Variants in CD93 observed in about 807,000 individuals in gnomAD.
CD93 encodes the protein CD93 molecule.
In CD93, 44 loss-of-function variants were observed where a neutral mutation model predicts 45.5. The ratio of observed to expected loss-of-function variants is 0.97; its 90% confidence interval spans 0.76 to 1.24. CD93 has a LOEUF of 1.24. Ranked by LOEUF, CD93 falls within the 50% of genes most tolerant of loss-of-function variation. The pLI, the probability that CD93 is intolerant of heterozygous loss-of-function variation, is 0.00. For missense variants in CD93, 918 were observed against 844.5 expected (o/e 1.09, Z -1.08); for synonymous variants, 431 against 370.8 (o/e 1.16, Z -1.87).
rs1338835547 is a variant in CD93, at chr20:23,080,417, C to T, written c.*3533G>A. On this transcript the variant is annotated 3_prime_UTR_variant, in exon 2 of 2. Coordinates refer to ENST00000246006, the MANE Select transcript of CD93 (RefSeq NM_012072.4). ...GATGAGGATGGAAAAGACAAAGCAA[C>T]TTGAAGAGAAAAAAAAATTCTTTTA... 1 of 152,376 alleles carries T rather than the reference C, an allele frequency of 6.6e-6. No homozygotes were observed. The highest frequency in any genetic ancestry group is 1.5e-5 in the Non-Finnish European group (1 of 68,016). The allele number at this position is 152,376 out of a possible 1,614,324, so 9.4% of individuals were successfully genotyped here.
rs140752547 is a variant in CD93 at position 23,082,820 on chromosome 20, G to C, written c.*1130C>G. ...GACTAGCTCCCTACTTGGTGTGTGC[G>C]CCACCCACACTTCAGGATTTAAAAT... is the stretch of plus-strand genomic sequence containing the variant. On this transcript the variant is annotated 3_prime_UTR_variant, in exon 2 of 2. Transcript: ENST00000246006. 2.6e-5 allele frequency: 4 copies of C among 152,506 alleles called. No individual in the cohort carries two copies. Among genetic ancestry groups the C allele is most frequent in the African/African-American group, 9.7e-5 (4 of 41,392 alleles). 9.4% of individuals were successfully genotyped at this position (152,506 alleles called of 1,614,324 possible).
At position 23,085,958 on chromosome 20, in the gene CD93, G is replaced by T; in HGVS notation, c.235C>A (p.Leu79Ile). Residue 79 changes from leucine (L) to isoleucine (I), a missense_variant, in exon 1 of 2, where the codon CTC (leucine) becomes ATC (isoleucine). Leu to Ile is a conservative substitution (Grantham distance 5). Coordinates refer to ENST00000246006, the MANE Select transcript of CD93 (RefSeq NM_012072.4). ...GTCAGGGCTGCCTCCCGCCTCAGGAGCTGGGCCAGTACTCGCTGGACGTGC... is the reference window on the plus strand; with the variant it reads ...GTCAGGGCTGCCTCCCGCCTCAGGATCTGGGCCAGTACTCGCTGGACGTGC... ...AQHVQRVLAQ[L>I]LRREAALTAR... The T allele has an allele frequency of 1.2e-6, 2 of 1,610,536 alleles. No individual in the cohort carries two copies. Among genetic ancestry groups the T allele is most frequent in the Non-Finnish European group, 1.7e-6 (2 of 1,179,178 alleles).
In CD93 at chr20:23,083,511, T is replaced by G. The variant is rs1239692264; in HGVS notation, c.*439A>C. On this transcript the variant is annotated 3_prime_UTR_variant, in exon 2 of 2. Transcript: ENST00000246006. ...CAGATCTTCTTACCTAATTGAATAA[T>G]TAATTGATTTAGTTTTCATCCTAGG... 1.2e-5 allele frequency: 2 copies of G among 168,210 alleles called. No homozygotes were observed. The highest frequency in any genetic ancestry group is 3.3e-4 in the East Asian group (2 of 6,014). 10.4% of individuals were successfully genotyped at this position (168,210 alleles called of 1,614,324 possible). A position where few individuals can be genotyped will look rare whatever the true frequency, so the allele number is the denominator to read the frequency against.
rs1985334510 is a variant in CD93, at chr20:23,081,987, T to C, written c.*1963A>G. 6.6e-6 allele frequency: 1 copy of C among 152,172 alleles called. No individual in the cohort carries two copies. The highest frequency in any genetic ancestry group is 2.1e-4 in the South Asian group (1 of 4,832). The allele number at this position is 152,172 out of a possible 1,614,324, so 9.4% of individuals were successfully genotyped here. On this transcript the variant is annotated 3_prime_UTR_variant, in exon 2 of 2. Coordinates refer to ENST00000246006, the MANE Select transcript of CD93 (RefSeq NM_012072.4). Reference sequence around the variant, plus strand: ...TGAATGGCCAGACAGATGGCTGCTCTCCACACCACAGACTGCCCAGCTTCA... The same window carrying C: ...TGAATGGCCAGACAGATGGCTGCTCCCCACACCACAGACTGCCCAGCTTCA...
Position 23,085,058 on chromosome 20 carries a change from C to T in CD93, c.1135G>A (p.Gly379Arg). ...CWVGYEPGGP[G>R]EGACQDVDEC... ...TCCACATCCTGACAGGCCCCCTCTCCAGGACCGCCCGGCTCATAGCCAACC... is the reference window on the plus strand; with the variant it reads ...TCCACATCCTGACAGGCCCCCTCTCTAGGACCGCCCGGCTCATAGCCAACC... Residue 379 changes from glycine to arginine, a missense_variant, in exon 1 of 2, where the codon GGA becomes AGA. Gly to Arg is a moderately radical substitution (Grantham distance 125, BLOSUM62 -2). Transcript: ENST00000246006. 2.5e-6 allele frequency: 4 copies of T among 1,613,492 alleles called. No individual in the cohort carries two copies. Among genetic ancestry groups the T allele is most frequent in the Non-Finnish European group, 3.4e-6 (4 of 1,179,728 alleles).
chr20:23,085,802 C>A lies in CD93; in HGVS notation c.391G>T (p.Glu131Ter), dbSNP rs1985480290. 1.2e-6 allele frequency: 2 copies of A among 1,611,648 alleles called. No individual in the cohort carries two copies. The highest frequency in any genetic ancestry group is 8.5e-7 in the Non-Finnish European group (1 of 1,179,568). Residue 131 changes from glutamate to a stop codon, truncating the protein, a stop_gained, in exon 1 of 2, where the codon GAG becomes TAG. Coordinates refer to ENST00000246006, the MANE Select transcript of CD93 (RefSeq NM_012072.4). LOFTEE classifies it high-confidence loss of function. ...EDTPYSNWHK[E>*]LRNSCISKRC... is the part of the protein sequence containing the mutation. ...TTGGAGATGCACGAGTTCCGGAGCT[C>A]CTTGTGCCAGTTAGAGTAAGGCGTG...
In CD93 at chr20:23,085,530, G is replaced by T; in HGVS notation, c.663C>A (p.Ala221=). The T allele has an allele frequency of 6.2e-7, 1 of 1,613,910 alleles. No individual in the cohort carries two copies. Among genetic ancestry groups the T allele is most frequent in the Non-Finnish European group, 8.5e-7 (1 of 1,180,036 alleles). The change falls in exon 1 of 2, where the codon GCC becomes GCA. Residue 221 remains alanine, a synonymous_variant. Transcript: ENST00000246006. ...SLEAVPFASA[A]NVACGEGDKD... Reference sequence around the variant, plus strand: ...TGTCACCTTCCCCACAGGCTACATTGGCCGCAGAGGCAAAGGGCACAGCCT... The same window carrying T: ...TGTCACCTTCCCCACAGGCTACATTTGCCGCAGAGGCAAAGGGCACAGCCT...
In CD93 at chr20:23,083,805, G is replaced by A. The variant is rs867819617; in HGVS notation, c.*145C>T. Reference sequence around the variant, plus strand: ...GTAGAAAATACCTGCATGTTCCAAGGGGCCTTTAAGGAGGAGACTTACAAT... The same window carrying A: ...GTAGAAAATACCTGCATGTTCCAAGAGGCCTTTAAGGAGGAGACTTACAAT... On this transcript the variant is annotated 3_prime_UTR_variant, in exon 2 of 2. Transcript: ENST00000246006. 5.2e-6 allele frequency: 4 copies of A among 762,612 alleles called. No homozygotes were observed. Among genetic ancestry groups the A allele is most frequent in the African/African-American group, 3.4e-5 (2 of 58,158 alleles). The allele number at this position is 762,612 out of a possible 1,614,324, so 47.2% of individuals were successfully genotyped here.
chr20:23,086,164 A>T lies in CD93; in HGVS notation c.29T>A (p.Leu10Gln). 6.4e-7 allele frequency: 1 copy of T among 1,555,974 alleles called. No individual in the cohort carries two copies. The highest frequency in any genetic ancestry group is 8.6e-7 in the Non-Finnish European group (1 of 1,157,624). ...GGGCTGGGTCAGGAGCAGCAGCAGC[A>T]GCAGCAGCAGGCCCATGGAGGTGGC... is the stretch of plus-strand genomic sequence containing the variant. MATSMGLLL[L>Q]LLLLLTQPGA... is the part of the protein sequence containing the mutation. The change falls in exon 1 of 2, where the codon CTG (leucine) becomes CAG (glutamine). Residue 10 changes from leucine to glutamine, a missense_variant. Coordinates refer to ENST00000246006, the MANE Select transcript of CD93 (RefSeq NM_012072.4).
rs762931980 is a variant in CD93, at chr20:23,084,716, T to G, written c.1477A>C (p.Thr493Pro). The stretch of plus-strand genomic sequence containing the variant: ...CTGGCTGTTGCAGCACGGGGCACGG[T>G]GCTCCCTTCTTTCTCTCCTTTGTCC... ...EEDKGEKEGS[T>P]VPRAATASPT... is the part of the protein sequence containing the mutation. The change falls in exon 1 of 2, where the codon ACC becomes CCC. Residue 493 changes from threonine to proline, a missense_variant. Thr to Pro is a conservative substitution (Grantham distance 38). Coordinates refer to ENST00000246006, the MANE Select transcript of CD93 (RefSeq NM_012072.4). 6.3e-7 allele frequency: 1 copy of G among 1,596,440 alleles called. No individual in the cohort carries two copies. Among genetic ancestry groups the G allele is most frequent in the Non-Finnish European group, 8.5e-7 (1 of 1,172,028 alleles).
rs367781820 is a variant in CD93 at position 23,084,387 on chromosome 20, C to T, written c.1806G>A (p.Gly602=). The part of the protein sequence containing the change: ...AILLLLALAL[G]LLVYRKRRAK... ...CTCTCCGCTTGCGATAGACCAGTAG[C>T]CCCAGAGCCAGGGCCAGCAGGAGTA... The change falls in exon 1 of 2, where the codon GGG becomes GGA. Residue 602 remains glycine (G), a synonymous_variant. Coordinates refer to ENST00000246006, the MANE Select transcript of CD93 (RefSeq NM_012072.4). The T allele has an allele frequency of 8.1e-5, 130 of 1,614,128 alleles. No individual in the cohort carries two copies. The highest frequency in any genetic ancestry group is 1.0e-4 in the Non-Finnish European group (118 of 1,180,066).
At position 23,085,622 on chromosome 20, in the gene CD93, G is replaced by T. The variant is rs1310480333; in HGVS notation, c.571C>A (p.Leu191Met). The T allele has an allele frequency of 2.5e-6, 4 of 1,613,224 alleles. No individual in the cohort carries two copies. The East Asian group carries it at 8.9e-5, about 36-fold the overall frequency. The stretch of plus-strand genomic sequence containing the variant: ...ACCTGACCTGGGCCCCCCAGGGCCA[G>T]AGGCCGGCACATGCCTTTGAAGCTG... ...KFSFKGMCRP[L>M]ALGGPGQVTY... The change falls in exon 1 of 2, where the codon CTG becomes ATG. Residue 191 changes from leucine (L) to methionine (M), a missense_variant. Coordinates refer to ENST00000246006, the MANE Select transcript of CD93 (RefSeq NM_012072.4).
rs180844337 is a variant in CD93 at position 23,085,229 on chromosome 20, G to A, written c.964C>T (p.His322Tyr). The A allele has an allele frequency of 7.1e-5, 114 of 1,608,244 alleles. No individual in the cohort carries two copies. The East Asian group carries it at 2.5e-3, about 35-fold the overall frequency. ...CAGCGGCACGTGTAGTTTTTCCCATGGGGTCCCAGGACGCACGTGGCCCCC... is the reference window on the plus strand; with the variant it reads ...CAGCGGCACGTGTAGTTTTTCCCATAGGGTCCCAGGACGCACGTGGCCCCC... ...RGGATCVLGP[H>Y]GKNYTCRCPQ... The change falls in exon 1 of 2, where the codon CAT becomes TAT. Residue 322 changes from histidine (H) to tyrosine (Y), a missense_variant. Physicochemically the swap from His to Tyr is moderately conservative, Grantham distance 83. Coordinates refer to ENST00000246006, the MANE Select transcript of CD93 (RefSeq NM_012072.4).
Position 23,083,925 on chromosome 20 carries a change from T to A in CD93, c.*25A>T. The stretch of plus-strand genomic sequence containing the variant: ...CTCTGAGGATGGTGGCTGGTGACTC[T>A]AGTGTCTCTAGGGCCACCTCACTTT... On this transcript the variant is annotated 3_prime_UTR_variant, in exon 2 of 2. Transcript: ENST00000246006. 1 of 1,612,296 alleles carries A rather than the reference T, an allele frequency of 6.2e-7. No individual in the cohort carries two copies. Among genetic ancestry groups the A allele is most frequent in the Non-Finnish European group, 8.5e-7 (1 of 1,178,344 alleles).
chr20:23,085,831 T>TTGCCCCCCCC lies in CD93; in HGVS notation c.361_362insGGGGGGGGCA (p.Glu121GlyfsTer10). On this transcript the variant is annotated frameshift_variant, in exon 1 of 2. Transcript: ENST00000246006. LOFTEE classifies it high-confidence loss of function. Reference sequence around the variant, plus strand: ...GTGCCAGTTAGAGTAAGGCGTGTCCTCCCCCCCGCCCACCCAGCTGAAGCC... The same window carrying TTGCCCCCCCC: ...GTGCCAGTTAGAGTAAGGCGTGTCCTTGCCCCCCCCCCCCCCCGCCCACCCAGCTGAAGCC... The TTGCCCCCCCC allele has an allele frequency of 6.7e-6, 10 of 1,491,254 alleles. No individual in the cohort carries two copies. Among genetic ancestry groups the TTGCCCCCCCC allele is most frequent in the South Asian group, 1.3e-5 (1 of 75,908 alleles). The allele number at this position is 1,491,254 out of a possible 1,614,324, so 92.4% of individuals were successfully genotyped here. A position where few individuals can be genotyped will look rare whatever the true frequency, so the allele number is the denominator to read the frequency against.
Position 23,084,876 on chromosome 20 carries a change from G to A in CD93, c.1317C>T (p.Cys439=), listed in dbSNP as rs201425730. ...CTTGTGTGTTGAAGCACAAGCTGTC[G>A]CAGAGGGGGCCCCCCGGGCCCACAC... ...DECVGPGGPL[C]DSLCFNTQGS... Residue 439 remains cysteine, a synonymous_variant, in exon 1 of 2, where the codon TGC becomes TGT. Transcript: ENST00000246006. The A allele has an allele frequency of 2.2e-5, 36 of 1,612,880 alleles. No homozygotes were observed. Among genetic ancestry groups the A allele is most frequent in the Admixed American group, 6.7e-5 (4 of 59,940 alleles).
chr20:23,084,859 T>A lies in CD93; in HGVS notation c.1334A>T (p.Asn445Ile). 3 of 1,613,266 alleles carry A rather than the reference T, an allele frequency of 1.9e-6. No individual in the cohort carries two copies. The East Asian group carries it at 6.7e-5, about 36-fold the overall frequency. ...GGPLCDSLCF[N>I]TQGSFHCGCL... ...GCCACAGTGGAAGGACCCTTGTGTGTTGAAGCACAAGCTGTCGCAGAGGGG... is the reference window on the plus strand; with the variant it reads ...GCCACAGTGGAAGGACCCTTGTGTGATGAAGCACAAGCTGTCGCAGAGGGG... The change falls in exon 1 of 2, where the codon AAC becomes ATC. Residue 445 changes from asparagine (N) to isoleucine (I), a missense_variant. Asn to Ile is a moderately radical substitution (Grantham distance 149). Coordinates refer to ENST00000246006, the MANE Select transcript of CD93 (RefSeq NM_012072.4).
At position 23,084,484 on chromosome 20, in the gene CD93, G is replaced by T. The variant is rs747906322; in HGVS notation, c.1709C>A (p.Thr570Lys). Reference sequence around the variant, plus strand: ...CCCGTCAGTGCCATCGTTGTTTTGTGTGGCCACGGAGGAGTCCCCACCTGC... The same window carrying T: ...CCCGTCAGTGCCATCGTTGTTTTGTTTGGCCACGGAGGAGTCCCCACCTGC... ...EPAGGDSSVA[T>K]QNNDGTDGQK... Residue 570 changes from threonine (T) to lysine (K), a missense_variant, in exon 1 of 2, where the codon ACA (threonine) becomes AAA (lysine). Thr to Lys is a moderately conservative substitution (Grantham distance 78). Coordinates refer to ENST00000246006, the MANE Select transcript of CD93 (RefSeq NM_012072.4). 1.2e-6 allele frequency: 2 copies of T among 1,614,192 alleles called. No homozygotes were observed. Among genetic ancestry groups the T allele is most frequent in the Non-Finnish European group, 1.7e-6 (2 of 1,180,052 alleles).
Position 23,084,898 on chromosome 20 carries a change from A to G in CD93, c.1295T>C (p.Val432Ala). 1 of 1,612,960 alleles carries G rather than the reference A, an allele frequency of 6.2e-7. No individual in the cohort carries two copies. Among genetic ancestry groups the G allele is most frequent in the Non-Finnish European group, 8.5e-7 (1 of 1,179,840 alleles). ...GTCGCAGAGGGGGCCCCCCGGGCCCACACACTCATCCACGTCCTGGCACTG... is the reference window on the plus strand; with the variant it reads ...GTCGCAGAGGGGGCCCCCCGGGCCCGCACACTCATCCACGTCCTGGCACTG... ...GTQCQDVDEC[V>A]GPGGPLCDSL... The change falls in exon 1 of 2, where the codon GTG becomes GCG. Residue 432 changes from valine (V) to alanine (A), a missense_variant. Physicochemically the swap from Val to Ala is moderately conservative, Grantham distance 64. Transcript: ENST00000246006.
Sources: gnomAD v4.1 joint callset for allele counts on GRCh38, gnomAD v4.1.1 for gene constraint, MANE v1.5 for transcripts, NCBI Gene and HGNC (gene_info 2026-07-23, HGNC 2026-07-21) for gene names.